The following TCN1 variants were observed in gnomAD, a reference collection of about 807,000 sequenced individuals.
The protein encoded by TCN1 is transcobalamin-1.
A neutral mutation model predicts 46.3 loss-of-function variants in TCN1; 47 were observed. The observed-to-expected ratio is 1.01, with a 90% CI of 0.80 to 1.29. TCN1 has a LOEUF of 1.29. Among genes scored for constraint, TCN1 ranks in the 50% most tolerant of loss-of-function variants. The pLI is 0.00. For synonymous variants in TCN1, 183 were observed against 192.5 expected, an observed-to-expected ratio of 0.95 and a Z score of 0.41; for missense variants, 532 against 511.0, an observed-to-expected ratio of 1.04 and a Z score of -0.40.
chr11:59,862,399 C>T (rs1016122769), intron 3 of TCN1, among the ~76,000 whole-genome samples, 183 bp downstream of exon 3: 5 of 151,782 alleles, frequency 3.3e-5, no homozygotes, highest in African/African-American at 1.2e-4. Flanking sequence ...CAATGCTCAG[C>T]TGAACATATT....
chr11:59,856,156 C>A (rs1296993910), intron 5 of TCN1, 98 bp from the exon 6 acceptor site: 2 of 948,972 alleles, frequency 2.1e-6, no homozygotes, highest in Non-Finnish European at 3.3e-6. Context: ...TTATCTATAA[C>A]TATATATGTA....
At chr11:59,859,364 G>A (rs1565214355) in intron 4 of TCN1, 97 bp from the exon 5 acceptor site, 1 of 1,324,270 alleles carries the variant, frequency 7.6e-7, no homozygotes, top group East Asian at 2.3e-5. Context: ...AGTGCTAAAA[G>A]AAAAACAGAT....
chr11:59,866,285 C>G, intron 1 of TCN1, 107 bp downstream of exon 1: 1 of 1,191,380 alleles, frequency 8.4e-7, no homozygotes, highest in Non-Finnish European at 1.2e-6. Context: ...CAACCACATA[C>G]GAAACTGGAA....
intron 2 of TCN1, among the ~76,000 whole-genome samples, chr11:59,863,314 T>G (rs906393699): frequency 6.6e-6 from 1 of 151,994 alleles, no homozygotes; most frequent in Non-Finnish European, 1.5e-5. Flanking sequence ...AGAGGAAAAA[T>G]AGATAAACAA....
chr11:59,866,260 A>G (rs1252600947), intron 1 of TCN1, 132 bp downstream of exon 1: 5 of 865,452 alleles, frequency 5.8e-6, no homozygotes, highest in Admixed American at 1.9e-5. Context: ...CACCCTTTTC[A>G]TCATTCATGG....
At chr11:59,856,127 T>G in intron 5 of TCN1, 69 bp from the exon 6 acceptor site, 1 of 1,293,486 alleles carries the variant, frequency 7.7e-7, no homozygotes, top group Non-Finnish European at 1.1e-6. Context: ...TATGAGACAC[T>G]TCAAATAAGG....
At chr11:59,853,796 C>A (rs1866693538) in intron 7 of TCN1, among the ~76,000 whole-genome samples, 1 of 152,118 alleles carries the variant, frequency 6.6e-6, no homozygotes, top group Non-Finnish European at 1.5e-5. Flanking sequence ...AGTGACAGGT[C>A]AGTATCTGTT....
rs149522068 is a variant in TCN1, at chr11:59,864,092, G to A, written c.80-6C>T. 19 of 1,613,432 alleles carry A rather than the reference G, an allele frequency of 1.2e-5. No homozygotes were observed. The African/African-American group carries it at 1.2e-4, about 10-fold the overall frequency. Reference sequence around the variant, plus strand: ...GTAGTTTTCTTCACTTACCTCTGTGGCAGAGAAGGAAGGAAATAAGAAACA... The same window carrying A: ...GTAGTTTTCTTCACTTACCTCTGTGACAGAGAAGGAAGGAAATAAGAAACA... On this transcript the variant is annotated splice_region_variant and splice_polypyrimidine_tract_variant and intron_variant, in intron 1 of 8. Coordinates refer to ENST00000257264, the MANE Select transcript of TCN1 (RefSeq NM_001062.4).
Position 59,854,740 on chromosome 11 carries a change from T to A in TCN1, c.1033A>T (p.Thr345Ser). 6.2e-7 allele frequency: 1 copy of A among 1,614,014 alleles called. No individual in the cohort carries two copies. The highest frequency in any genetic ancestry group is 8.5e-7 in the Non-Finnish European group (1 of 1,179,924). Residue 345 changes from threonine to serine, a missense_variant, in exon 7 of 9, where the codon ACA (threonine) becomes TCA (serine). Coordinates refer to ENST00000257264, the MANE Select transcript of TCN1 (RefSeq NM_001062.4). ...AGCACAGTGACATTGGTGAAATATG[T>A]TTCATTGATTCTCACAGAGTAATTG... ...SVNYSVRINE[T>S]YFTNVTVLNG...
In TCN1 at chr11:59,861,594, G is replaced by T. The variant is rs185999138; in HGVS notation, c.489C>A (p.Thr163=). 3.1e-6 allele frequency: 5 copies of T among 1,614,144 alleles called. No homozygotes were observed. The highest frequency in any genetic ancestry group is 1.3e-5 in the African/African-American group (1 of 75,050). The change falls in exon 4 of 9, where the codon ACC becomes ACA. Residue 163 remains threonine (T), a synonymous_variant. Coordinates refer to ENST00000257264, the MANE Select transcript of TCN1 (RefSeq NM_001062.4). ...GAGTGAAGTGGTTGACAACTTCGGC[G>T]GTTGAGTAGTTCCCATTGAACAGAC... is the stretch of plus-strand genomic sequence containing the variant. The part of the protein sequence containing the change: ...ALCLFNGNYS[T]AEVVNHFTPE...
At chr11:59,866,361 C>T (rs765828576) in intron 1 of TCN1, 31 bp downstream of exon 1, 3 of 1,606,996 alleles carry the variant, frequency 1.9e-6, no homozygotes, top group African/African-American at 2.7e-5. Context: ...GACTATCACT[C>T]TAGAGTAATT....
At chr11:59,858,189 A>C (rs548877150) in intron 5 of TCN1, among the ~76,000 whole-genome samples, 2 of 152,298 alleles carry the variant, frequency 1.3e-5, no homozygotes, top group Admixed American at 1.3e-4. Context: ...CATGCACTTC[A>C]ATGTTGGGAC....
intron 1 of TCN1, among the ~76,000 whole-genome samples, chr11:59,864,958 A>G (rs1054532347): frequency 2.6e-5 from 4 of 152,162 alleles, no homozygotes; most frequent in African/African-American, 9.6e-5. Context: ...ACTGTGGATA[A>G]TAACTTATGT....
intron 1 of TCN1, among the ~76,000 whole-genome samples, chr11:59,865,887 A>T (rs775649827): frequency 3.2e-4 from 49 of 152,246 alleles, no homozygotes; most frequent in Non-Finnish European, 3.4e-4. Context: ...AGTTGAAGGA[A>T]GGTGGACATG....
rs560226201 is a variant in TCN1, at chr11:59,852,882, G to A, written c.*93C>T. On this transcript the variant is annotated 3_prime_UTR_variant, in exon 9 of 9. Coordinates refer to ENST00000257264, the MANE Select transcript of TCN1 (RefSeq NM_001062.4). ...GGGGAGGTTATTAACTCTCCTGCTC[G>A]TACTGGGATAAATGAAGAAGAAGGC... The A allele has an allele frequency of 2.6e-5, 30 of 1,167,742 alleles. No individual in the cohort carries two copies. The highest frequency in any genetic ancestry group is 9.4e-5 in the East Asian group (4 of 42,746). 72.3% of individuals were successfully genotyped at this position (1,167,742 alleles called of 1,614,324 possible).
rs1408686657 is a variant in TCN1, at chr11:59,861,588, T to C, written c.495A>G (p.Glu165=). The change falls in exon 4 of 9, where the codon GAA becomes GAG. Residue 165 remains glutamate (E), a synonymous_variant. Coordinates refer to ENST00000257264, the MANE Select transcript of TCN1 (RefSeq NM_001062.4). ...TTTCAGGAGTGAAGTGGTTGACAAC[T>C]TCGGCGGTTGAGTAGTTCCCATTGA... is the stretch of plus-strand genomic sequence containing the variant. ...CLFNGNYSTA[E]VVNHFTPENK... The C allele has an allele frequency of 6.2e-7, 1 of 1,614,064 alleles. No homozygotes were observed. The highest frequency in any genetic ancestry group is 1.3e-5 in the African/African-American group (1 of 74,946).
Position 59,859,066 on chromosome 11 carries a change from C to G in TCN1, c.747+11G>C. The stretch of plus-strand genomic sequence containing the variant: ...TCCCTTCTCTGCCTCCTGTTTCACC[C>G]TCTGACTTACCTGCATGGCTTCTCC... On this transcript the variant is annotated intron_variant, in intron 5 of 8. Coordinates refer to ENST00000257264, the MANE Select transcript of TCN1 (RefSeq NM_001062.4). 6.2e-7 allele frequency: 1 copy of G among 1,611,328 alleles called. No individual in the cohort carries two copies.
rs769603867 is a variant in TCN1 at position 59,866,421 on chromosome 11, A to T, written c.50T>A (p.Phe17Tyr). ...AATCTCGCATAGTTGGCTTGGAATAAAAGAAAACAGTAAGAGCCCCACTAG... is the reference window on the plus strand; with the variant it reads ...AATCTCGCATAGTTGGCTTGGAATATAAGAAAACAGTAAGAGCCCCACTAG... ...LPLVGLLLFSFIPSQLCEICE... is the reference protein window; with the variant it reads ...LPLVGLLLFSYIPSQLCEICE... The change falls in exon 1 of 9, where the codon TTT becomes TAT. Residue 17 changes from phenylalanine (F) to tyrosine (Y), a missense_variant. Physicochemically the swap from Phe to Tyr is conservative, Grantham distance 22 (BLOSUM62 3). Coordinates refer to ENST00000257264, the MANE Select transcript of TCN1 (RefSeq NM_001062.4). The T allele has an allele frequency of 6.2e-7, 1 of 1,613,574 alleles. No homozygotes were observed. Among genetic ancestry groups the T allele is most frequent in the Non-Finnish European group, 8.5e-7 (1 of 1,179,550 alleles).
intron 1 of TCN1, among the ~76,000 whole-genome samples, chr11:59,865,434 C>A (rs1448715262): frequency 1.3e-5 from 2 of 152,106 alleles, no homozygotes; most frequent in Non-Finnish European, 2.9e-5. Context: ...TTCTTAGGAT[C>A]CAACAGGGGA....
Sources: allele counts gnomAD v4.1 joint callset (sites outside exome capture counted in the v4.1 genomes callset), GRCh38; gene constraint gnomAD v4.1.1; transcripts MANE v1.5; gene names NCBI Gene and HGNC (gene_info 2026-07-23, HGNC 2026-07-21).